Variants in POMT1 observed in about 807,000 individuals in gnomAD.
The protein encoded by POMT1 is protein O-mannosyltransferase 1, also known as protein O-mannosyl-transferase 1.
Under a neutral mutation model 101.6 loss-of-function variants are expected in POMT1, and 85 were observed. The ratio of observed to expected loss-of-function variants is 0.84; its 90% CI spans 0.70 to 1.00. The LOEUF is 1.00. Ranked by LOEUF, POMT1 falls within the 50% of genes least tolerant of loss-of-function variation. The pLI, the probability that POMT1 is intolerant of heterozygous loss-of-function variation, is 0.00. For missense variants in POMT1, 857 were observed against 930.4 expected (o/e 0.92, Z 1.03); for synonymous variants, 371 against 383.0 (o/e 0.97, Z 0.37).
rs188333376 is a variant in POMT1, at chr9:131,510,932, G to A, written c.856-405G>A. ...AGTGGTAGAAGGTATCAGTAGAGGTGGTCAGGACTGTGGTTCCTGAAGTCA... is the reference window on the plus strand; with the variant it reads ...AGTGGTAGAAGGTATCAGTAGAGGTAGTCAGGACTGTGGTTCCTGAAGTCA... On this transcript the variant is annotated intron_variant, in intron 9 of 19. Coordinates refer to ENST00000402686, the MANE Select transcript of POMT1 (RefSeq NM_001077365.2). The A allele has an allele frequency of 2.0e-4, 58 of 287,610 alleles. No homozygotes were observed. In the East Asian group the frequency reaches 4.3e-3, roughly 21 times the overall value. 17.8% of individuals were successfully genotyped at this position (287,610 alleles called of 1,614,324 possible). A position where few individuals can be genotyped will look rare whatever the true frequency, so the allele number is the denominator to read the frequency against.
intron 12 of POMT1, among the ~76,000 whole-genome samples, chr9:131,514,910 C>T (rs944225966): frequency 6.6e-5 from 10 of 152,322 alleles, no homozygotes; most frequent in Admixed American, 6.5e-5. Flanking sequence ...GAGCTGAGAT[C>T]GCGCCATTTG....
At position 131,506,099 on chromosome 9, in the gene POMT1, TG is replaced by T. The variant is rs1945746328; in HGVS notation, c.123-14del. 2 of 1,566,134 alleles carry T rather than the reference TG, an allele frequency of 1.3e-6. No homozygotes were observed. Among genetic ancestry groups the T allele is most frequent in the East Asian group, 2.2e-5 (1 of 44,848 alleles). ...TCTAATTGAATATAATATGGGTTGT[TG>T]TTTTTTTTTCTAGTTTTGACGAAGT... is the stretch of plus-strand genomic sequence containing the variant. On this transcript the variant is annotated splice_polypyrimidine_tract_variant and intron_variant, in intron 2 of 19. Coordinates refer to ENST00000402686, the MANE Select transcript of POMT1 (RefSeq NM_001077365.2).
intron 18 of POMT1, among the ~76,000 whole-genome samples, chr9:131,521,727 C>G (rs184091804): frequency 1.8e-4 from 28 of 152,332 alleles, no homozygotes; most frequent in African/African-American, 6.5e-4. Context: ...TCCCAAGAGA[C>G]AAAATGTTAA....
At chr9:131,515,648 G>T in intron 13 of POMT1, 126 bp downstream of exon 13, 1 of 868,358 alleles carries the variant, frequency 1.2e-6, no homozygotes, top group South Asian at 1.4e-5. Flanking sequence ...TCATCACACG[G>T]AGCACTTCCT....
chr9:131,513,296 G>T lies in POMT1; in HGVS notation c.1140G>T (p.Gln380His). 6.2e-7 allele frequency: 1 copy of T among 1,612,878 alleles called. No homozygotes were observed. ...CTGTGAGGCACGGGGACATGGTGCA[G>T]CTGGTCCACGGCATGACCACCCGCT... ...PRPVRHGDMV[Q>H]LVHGMTTRSL... Residue 380 changes from glutamine to histidine, a missense_variant, in exon 12 of 20, where the codon CAG (glutamine) becomes CAT (histidine). By Grantham distance (24) the Gln-to-His change is conservative (BLOSUM62 0). Coordinates refer to ENST00000402686, the MANE Select transcript of POMT1 (RefSeq NM_001077365.2).
chr9:131,504,199 T>C lies in POMT1; in HGVS notation c.-20T>C, dbSNP rs201733950. On this transcript the variant is annotated 5_prime_UTR_variant, in exon 2 of 20. Transcript: ENST00000402686. ...TCCCTTCTTTTCTAGGGCGTCTGCCTGAGCCCGCTTTTCTACAAGATGTGG... is the reference window on the plus strand; with the variant it reads ...TCCCTTCTTTTCTAGGGCGTCTGCCCGAGCCCGCTTTTCTACAAGATGTGG... 615 of 1,614,056 alleles carry C rather than the reference T, an allele frequency of 3.8e-4. 3 individuals carry two copies. The African/African-American group carries it at 7.2e-3, about 19-fold the overall frequency.
rs1222795311 is a variant in POMT1, at chr9:131,506,439, ACAGAATTGGAG to A, written c.270_280del (p.Gly92GlnfsTer2). ...GGATTCGATGGCAATTTTTTGTGGA[ACAGAATTGGAG>A]CAGGTAAAAGATAATTTTCATTTCC... is the stretch of plus-strand genomic sequence containing the variant. On this transcript the variant is annotated frameshift_variant, in exon 4 of 20. Transcript: ENST00000402686. LOFTEE classifies it high-confidence loss of function. 3 of 1,612,138 alleles carry A rather than the reference ACAGAATTGGAG, an allele frequency of 1.9e-6. No individual in the cohort carries two copies. Among genetic ancestry groups the A allele is most frequent in the Non-Finnish European group, 2.5e-6 (3 of 1,178,288 alleles).
rs1462683997 is a variant in POMT1, at chr9:131,521,414, C to T, written c.1767C>T (p.Ala589=). The change falls in exon 18 of 20, where the codon GCC becomes GCT. Residue 589 remains alanine, a synonymous_variant. Transcript: ENST00000402686. ...GCAGCCTCGCTCTGGCCATCTACGC[C>T]CTGCTGTCCTTGTGGTACCTGCTCC... The part of the protein sequence containing the change: ...VSGSLALAIY[A]LLSLWYLLRR... The T allele has an allele frequency of 1.9e-6, 3 of 1,614,170 alleles. No individual in the cohort carries two copies. Among genetic ancestry groups the T allele is most frequent in the Non-Finnish European group, 1.7e-6 (2 of 1,180,034 alleles).
At chr9:131,518,787 G>A (rs1949281301) in intron 14 of POMT1, 50 bp from the exon 15 acceptor site, 1 of 1,613,638 alleles carries the variant, frequency 6.2e-7, no homozygotes, top group South Asian at 1.1e-5. Context: ...AGTGGACACG[G>A]GAGCCACGGC....
rs987869221 is a variant in POMT1 at position 131,523,762 on chromosome 9, G to GTCT, written c.*658_*660dup. The GTCT allele has an allele frequency of 6.5e-6, 1 of 152,966 alleles. No individual in the cohort carries two copies. Among genetic ancestry groups the GTCT allele is most frequent in the Non-Finnish European group, 1.5e-5 (1 of 68,636 alleles). The allele number at this position is 152,966 out of a possible 1,614,324, so 9.5% of individuals were successfully genotyped here. On this transcript the variant is annotated 3_prime_UTR_variant, in exon 20 of 20. Transcript: ENST00000402686. ...GTCATCCATACAGCTCCATGCCTTT[G>GTCT]TCTTTTTTAAATGTAATTAAAAAAG...
Position 131,522,139 on chromosome 9 carries a change from T to C in POMT1, c.1918T>C (p.Phe640Leu). ...GTTCTTCCTGATGGAGAAGACACTC[T>C]TCCTCTACCACTACCTGCCCGCACT... ...LPFFLMEKTL[F>L]LYHYLPALTF... The change falls in exon 19 of 20, where the codon TTC becomes CTC. Residue 640 changes from phenylalanine (F) to leucine (L), a missense_variant. Physicochemically the swap from Phe to Leu is conservative, Grantham distance 22. Coordinates refer to ENST00000402686, the MANE Select transcript of POMT1 (RefSeq NM_001077365.2). This position sits in a 1 kb window ranked among gnomAD's most constrained non-coding sequence, Gnocchi z 5.5. 1.2e-6 allele frequency: 2 copies of C among 1,614,180 alleles called. No homozygotes were observed. The highest frequency in any genetic ancestry group is 1.6e-4 in the Middle Eastern group (1 of 6,062).
intron 9 of POMT1, 41 bp from the exon 10 acceptor site, chr9:131,511,296 C>T (rs367742292): frequency 1.3e-6 from 2 of 1,579,000 alleles, no homozygotes; most frequent in Admixed American, 1.8e-5. Flanking sequence ...GGTCATTTTT[C>T]TTTCTGTCTC....
intron 5 of POMT1, among the ~76,000 whole-genome samples, chr9:131,508,579 G>C (rs1238629096): frequency 6.6e-6 from 1 of 151,962 alleles, no homozygotes; most frequent in Non-Finnish European, 1.5e-5. Flanking sequence ...TGCGCCTATA[G>C]TCCCAGCTAC....
chr9:131,508,999 GTTCTTC>G lies in POMT1; in HGVS notation c.517_522del (p.Phe173_Phe174del), dbSNP rs769447505. Reference sequence around the variant, plus strand: ...TATTGGCCGTGTTGTCCTACCTGAAGTTCTTCAACTGCCAAAAGCACAGGTATGGAA... The same window carrying G: ...TATTGGCCGTGTTGTCCTACCTGAAGAACTGCCAAAAGCACAGGTATGGAA... On this transcript the variant is annotated inframe_deletion, in exon 6 of 20. Coordinates refer to ENST00000402686, the MANE Select transcript of POMT1 (RefSeq NM_001077365.2). The G allele has an allele frequency of 9.9e-6, 16 of 1,612,314 alleles. No individual in the cohort carries two copies. In the South Asian group the frequency reaches 1.6e-4, roughly 17 times the overall value.
chr9:131,511,378 G>A lies in POMT1; in HGVS notation c.897G>A (p.Val299=). 8 of 1,613,966 alleles carry A rather than the reference G, an allele frequency of 5.0e-6. No individual in the cohort carries two copies. The highest frequency in any genetic ancestry group is 6.8e-6 in the Non-Finnish European group (8 of 1,179,860). ...TCACTCAGGGTCAGCCACTGGAGGT[G>A]GCCTTTGGGTCCCAGGTCACTCTGA... ...ARITQGQPLE[V]AFGSQVTLRN... is the part of the protein sequence containing the mutation. The change falls in exon 10 of 20, where the codon GTG becomes GTA. Residue 299 remains valine, a synonymous_variant. Coordinates refer to ENST00000402686, the MANE Select transcript of POMT1 (RefSeq NM_001077365.2).
chr9:131,518,668 T>A, intron 14 of POMT1, 131 bp downstream of exon 14: 1 of 1,399,166 alleles, frequency 7.1e-7, no homozygotes, highest in Non-Finnish European at 1.0e-6. Flanking sequence ...CCTCTTACAC[T>A]GAGGGAGGGC....
chr9:131,505,195 C>T (rs1247272444), intron 2 of POMT1, among the ~76,000 whole-genome samples: 2 of 152,034 alleles, frequency 1.3e-5, no homozygotes, highest in African/African-American at 4.8e-5. Context: ...CCCAGCTTCA[C>T]CTTATCAGTT....
chr9:131,513,807 T>G (rs1947672369), intron 12 of POMT1, among the ~76,000 whole-genome samples: 1 of 152,210 alleles, frequency 6.6e-6, no homozygotes. Flanking sequence ...CTGGGCACAG[T>G]TGCTCACACC....
chr9:131,522,181 C>A lies in POMT1; in HGVS notation c.1960C>A (p.Leu654Met). Residue 654 changes from leucine to methionine, a missense_variant, in exon 19 of 20, where the codon CTG (leucine) becomes ATG (methionine). Physicochemically the swap from Leu to Met is conservative, Grantham distance 15. Transcript: ENST00000402686. The surrounding 1 kb of genome is among the most constrained non-coding windows in gnomAD (Gnocchi z 5.5). ...YLPALTFQIL[L>M]LPVVLQHISD... ...GCCCGCACTCACCTTCCAAATCCTTCTGCTCCCTGTGGTCCTGCAGCACAT... is the reference window on the plus strand; with the variant it reads ...GCCCGCACTCACCTTCCAAATCCTTATGCTCCCTGTGGTCCTGCAGCACAT... 1 of 1,614,174 alleles carries A rather than the reference C, an allele frequency of 6.2e-7. No homozygotes were observed. The highest frequency in any genetic ancestry group is 8.5e-7 in the Non-Finnish European group (1 of 1,180,046).
Sources: gnomAD v4.1 joint callset for allele counts (sites outside exome capture counted in the v4.1 genomes callset) on GRCh38, gnomAD v4.1.1 for gene constraint, Gnocchi (gnomAD v3.1) non-coding constraint, MANE v1.5 for transcripts, NCBI Gene and HGNC (gene_info 2026-07-23, HGNC 2026-07-21) for gene names.